The following GAS2 variants were observed in gnomAD, a reference collection of about 807,000 sequenced individuals.
GAS2 encodes the protein growth arrest specific 2, also known as growth arrest-specific protein 2.
GAS2 carries 20 observed loss-of-function variants against 37.5 expected under a neutral mutation model. That is an observed-to-expected ratio of 0.53 (90% CI 0.37 to 0.77). The LOEUF is 0.77. Ranked by LOEUF, GAS2 falls within the 30% of genes least tolerant of loss-of-function variation. GAS2 has a pLI of 0.00. For missense variants in GAS2, 336 were observed against 373.4 expected, an observed-to-expected ratio of 0.90 and a Z score of 0.82; for synonymous variants, 144 against 132.2, an observed-to-expected ratio of 1.09 and a Z score of -0.61.
At chr11:22,729,913 C>G (rs1852394481) in intron 4 of GAS2, among the ~76,000 whole-genome samples, 1 of 151,628 alleles carries the variant, frequency 6.6e-6, no homozygotes. Flanking sequence ...TCAAAGACCT[C>G]AGAAGTATTT....
At chr11:22,793,034 G>A (rs1000153938) in intron 7 of GAS2, among the ~76,000 whole-genome samples, 1 of 152,216 alleles carries the variant, frequency 6.6e-6, no homozygotes, top group Non-Finnish European at 1.5e-5. Flanking sequence ...AGCACTTTGA[G>A]AGGCCAAGGT....
intron 3 of GAS2, among the ~76,000 whole-genome samples, chr11:22,705,876 T>C (rs1013715265): frequency 7.9e-5 from 12 of 152,168 alleles, no homozygotes; most frequent in African/African-American, 2.7e-4. Flanking sequence ...AAATTAGTCA[T>C]GTACAAAGGA....
At chr11:22,720,899 A>G (rs1851916856) in intron 3 of GAS2, among the ~76,000 whole-genome samples, 1 of 152,048 alleles carries the variant, frequency 6.6e-6, no homozygotes, top group African/African-American at 2.4e-5. Context: ...TAGGTGAAAG[A>G]GAATATTTGA....
At chr11:22,782,719 T>C (rs1388416131) in intron 7 of GAS2, among the ~76,000 whole-genome samples, 6 of 141,658 alleles carry the variant, frequency 4.2e-5, no homozygotes, top group Non-Finnish European at 7.6e-5. Flanking sequence ...GCTGCATCCA[T>C]GTTGCTGCAA....
At chr11:22,732,293 CT>C (rs1357810536) in intron 4 of GAS2, among the ~76,000 whole-genome samples, 1 of 151,546 alleles carries the variant, frequency 6.6e-6, no homozygotes, top group Non-Finnish European at 1.5e-5. Context: ...AAAGAGCGCT[CT>C]TTTTTCCAGG....
chr11:22,735,233 T>TTTC (rs1402767056), intron 4 of GAS2, among the ~76,000 whole-genome samples: 1 of 149,774 alleles, frequency 6.7e-6, no homozygotes, highest in Admixed American at 6.7e-5. Context: ...TCTTTTTTTT[T>TTTC]TTTTTTTTTT....
intron 3 of GAS2, among the ~76,000 whole-genome samples, chr11:22,690,865 G>A (rs1850213670): frequency 6.6e-6 from 1 of 152,044 alleles, no homozygotes; most frequent in African/African-American, 2.4e-5. Flanking sequence ...TTGTATATTT[G>A]CTCTCTTTCC....
At chr11:22,767,650 G>T (rs1186839597) in intron 7 of GAS2, among the ~76,000 whole-genome samples, 2 of 152,126 alleles carry the variant, frequency 1.3e-5, no homozygotes, top group Non-Finnish European at 2.9e-5. Context: ...AAAAAAACCT[G>T]TGAAATAACT....
At chr11:22,640,798 T>C (rs984949041) in intron 1 of GAS2, among the ~76,000 whole-genome samples, 1 of 152,162 alleles carries the variant, frequency 6.6e-6, no homozygotes, top group African/African-American at 2.4e-5. Context: ...TGCTCTTTGG[T>C]TGACTGCCTA....
chr11:22,812,233 T>C lies in GAS2; in HGVS notation c.*217T>C. 2.0e-6 allele frequency: 1 copy of C among 493,900 alleles called. No individual in the cohort carries two copies. The highest frequency in any genetic ancestry group is 2.9e-5 in the South Asian group (1 of 34,786). 30.6% of individuals were successfully genotyped at this position (493,900 alleles called of 1,614,324 possible). ...AAAATCTAAACTCAAATTTAAATTA[T>C]CCAAATTTTAGGCAAATTATTATTT... is the stretch of plus-strand genomic sequence containing the variant. On this transcript the variant is annotated 3_prime_UTR_variant, in exon 8 of 8. Transcript: ENST00000454584.
At chr11:22,719,428 G>T (rs1478146223) in intron 3 of GAS2, among the ~76,000 whole-genome samples, 1 of 152,044 alleles carries the variant, frequency 6.6e-6, no homozygotes, top group African/African-American at 2.4e-5. Context: ...GCAAAATTGA[G>T]TGGAAAGTAC....
chr11:22,698,477 C>G (rs1236411645), intron 3 of GAS2, among the ~76,000 whole-genome samples: 1 of 151,914 alleles, frequency 6.6e-6, no homozygotes, highest in Non-Finnish European at 1.5e-5. Context: ...TGAAACTATT[C>G]CAATCAATAG....
chr11:22,722,373 T>G (rs1257942799), intron 3 of GAS2, among the ~76,000 whole-genome samples: 1 of 151,848 alleles, frequency 6.6e-6, no homozygotes, highest in African/African-American at 2.4e-5. Flanking sequence ...ATTATAAATT[T>G]TACTATTTAT....
chr11:22,812,046 A>G lies in GAS2; in HGVS notation c.*30A>G, dbSNP rs970198338. On this transcript the variant is annotated 3_prime_UTR_variant, in exon 8 of 8. Transcript: ENST00000454584. ...AATTGGTCATGACAAGGGGACCCTC[A>G]TAATGGCCTGTATCCACTTCTCCAG... 3.4e-5 allele frequency: 52 copies of G among 1,509,904 alleles called. No homozygotes were observed. The Middle Eastern group carries it at 5.2e-4, about 15-fold the overall frequency. The allele number at this position is 1,509,904 out of a possible 1,614,324, so 93.5% of individuals were successfully genotyped here. A position where few individuals can be genotyped will look rare whatever the true frequency, so the allele number is the denominator to read the frequency against.
intron 3 of GAS2, among the ~76,000 whole-genome samples, chr11:22,693,458 G>A (rs188822816): frequency 7.0e-4 from 107 of 152,228 alleles, no homozygotes; most frequent in Non-Finnish European, 1.4e-3. Flanking sequence ...AGATGTGGTA[G>A]AAGTCACTTT....
chr11:22,698,767 C>T (rs369389451), intron 3 of GAS2, among the ~76,000 whole-genome samples: 1 of 152,016 alleles, frequency 6.6e-6, no homozygotes, highest in African/African-American at 2.4e-5. Context: ...AAAGATAAAA[C>T]ATTGTTTTAA....
chr11:22,629,244 A>G (rs1858712182), intron 1 of GAS2, among the ~76,000 whole-genome samples: 1 of 152,202 alleles, frequency 6.6e-6, no homozygotes, highest in Non-Finnish European at 1.5e-5. Context: ...AGACGTCTCC[A>G]TACTGTTTTC....
intron 7 of GAS2, among the ~76,000 whole-genome samples, chr11:22,771,185 G>A (rs1854962267): frequency 1.3e-5 from 2 of 151,902 alleles, no homozygotes; most frequent in Admixed American, 1.3e-4. Flanking sequence ...ATTGTGGGTG[G>A]CTAGAAGACA....
intron 5 of GAS2, among the ~76,000 whole-genome samples, chr11:22,743,726 T>C (rs1853222993): frequency 1.3e-5 from 2 of 151,770 alleles, no homozygotes; most frequent in South Asian, 4.2e-4. Flanking sequence ...TAGAAGTAGG[T>C]TATAAAGGAA....
Sources: gnomAD v4.1 joint callset for allele counts (sites outside exome capture counted in the v4.1 genomes callset) on GRCh38, gnomAD v4.1.1 for gene constraint, MANE v1.5 for transcripts, NCBI Gene and HGNC (gene_info 2026-07-23, HGNC 2026-07-21) for gene names.